The following PCDHA6 variants were observed in gnomAD, a reference collection of about 807,000 sequenced individuals.
PCDHA6 encodes the protein protocadherin alpha 6.
A neutral mutation model predicts 60.3 loss-of-function variants in PCDHA6; 55 were observed. The ratio of observed to expected loss-of-function variants is 0.91; its 90% CI spans 0.73 to 1.14. PCDHA6 has a LOEUF of 1.14. Among genes scored for constraint, PCDHA6 ranks in the 50% most tolerant of loss-of-function variants. The probability of loss-of-function intolerance (pLI) is 0.00; values close to 1 mark genes in which losing one functional copy is unlikely to be tolerated. For synonymous variants in PCDHA6, 652 were observed against 557.9 expected, an observed-to-expected ratio of 1.17 and a Z score of -2.38; for missense variants, 1,327 against 1,256.5, an observed-to-expected ratio of 1.06 and a Z score of -0.85.
chr5:140,952,952 G>C (rs1477546132), intron 1 of PCDHA6, among the ~76,000 whole-genome samples: 1 of 151,924 alleles, frequency 6.6e-6, no homozygotes, highest in Non-Finnish European at 1.5e-5. Context: ...GAGAGAAGGG[G>C]GAAGTGATAC....
intron 3 of PCDHA6, among the ~76,000 whole-genome samples, chr5:140,984,164 A>T (rs1471799520): frequency 6.6e-6 from 1 of 152,208 alleles, no homozygotes; most frequent in African/African-American, 2.4e-5. Flanking sequence ...GAACTTCCCA[A>T]AGAAGCCACG....
At chr5:140,933,262 T>G (rs2088985963) in intron 1 of PCDHA6, among the ~76,000 whole-genome samples, 1 of 152,012 alleles carries the variant, frequency 6.6e-6, no homozygotes, top group South Asian at 2.1e-4. Flanking sequence ...AAAAGGTTAT[T>G]ATATATTCAT....
intron 1 of PCDHA6, among the ~76,000 whole-genome samples, chr5:140,958,824 A>G (rs1008923744): frequency 5.9e-5 from 9 of 152,158 alleles, no homozygotes; most frequent in Admixed American, 5.9e-4. Context: ...TAATTTTTAT[A>G]TCTTAAAGTT....
chr5:140,954,433 T>C (rs1554221415), intron 1 of PCDHA6, among the ~76,000 whole-genome samples: 2 of 151,820 alleles, frequency 1.3e-5, no homozygotes, highest in African/African-American at 4.8e-5. Flanking sequence ...TCTCCATCTG[T>C]TGTTTCTGGA....
At chr5:140,838,905 AC>A (rs1331540825) in intron 1 of PCDHA6, among the ~76,000 whole-genome samples, 1 of 151,998 alleles carries the variant, frequency 6.6e-6, no homozygotes, top group African/African-American at 2.4e-5. Context: ...ACAGAGCAAT[AC>A]CTTGCCTCAA....
At chr5:140,842,962 C>G (rs1554139576) in intron 1 of PCDHA6, 1 of 1,594,950 alleles carries the variant, frequency 6.3e-7, no homozygotes, top group African/African-American at 1.3e-5. Context: ...CTCTGGGCAG[C>G]AACGTGACGC....
rs370307660 is a variant in PCDHA6 at position 140,924,901 on chromosome 5, A to T, written c.2395-54048A>T. On this transcript the variant is annotated intron_variant, in intron 1 of 3. Transcript: ENST00000529310. The stretch of plus-strand genomic sequence containing the variant: ...CAGAGCAAGAACCTGTCTCAAAAAA[A>T]AAAATAAAATAAAATAAAATAAAAT... Among the ~76,000 whole-genome samples, 368 of 80,482 alleles carry T rather than the reference A, an allele frequency of 4.6e-3. 1 individual carries two copies. Among genetic ancestry groups the T allele is most frequent in the East Asian group, 9.1e-3 (17 of 1,868 alleles). The allele number at this position is 80,482 out of a possible 152,430, so 52.8% of individuals were successfully genotyped here. A position where few individuals can be genotyped will look rare whatever the true frequency, so the allele number is the denominator to read the frequency against.
intron 1 of PCDHA6, chr5:140,842,438 A>G (rs1777945140): frequency 6.2e-7 from 1 of 1,613,768 alleles, no homozygotes; most frequent in Non-Finnish European, 8.5e-7. Flanking sequence ...CGCCCTAATT[A>G]GCGTGAACGA....
rs201902460 is a variant in PCDHA6 at position 140,856,564 on chromosome 5, T to G, written c.2394+26079T>G. 3.5e-5 allele frequency: 56 copies of G among 1,597,706 alleles called. 2 individuals are homozygous for G. The highest frequency in any genetic ancestry group is 8.8e-5 in the South Asian group (8 of 90,522). Reference sequence around the variant, plus strand: ...ACGCATTGCTTACTTACAAACTCAGTCCAAATGAGTATTTTGTTCTTGATA... The same window carrying G: ...ACGCATTGCTTACTTACAAACTCAGGCCAAATGAGTATTTTGTTCTTGATA... On this transcript the variant is annotated intron_variant, in intron 1 of 3. Transcript: ENST00000529310.
chr5:140,943,525 T>C (rs891940980), intron 1 of PCDHA6, among the ~76,000 whole-genome samples: 7 of 152,148 alleles, frequency 4.6e-5, no homozygotes, highest in African/African-American at 7.2e-5. Flanking sequence ...GAGTTCAGTA[T>C]GCAAAATGTC....
rs1554262529 is a variant in PCDHA6 at position 141,009,890 on chromosome 5, G to A, written c.2806G>A (p.Glu936Lys). 8.1e-6 allele frequency: 13 copies of A among 1,612,626 alleles called. No homozygotes were observed. Among genetic ancestry groups the A allele is most frequent in the Non-Finnish European group, 1.1e-5 (13 of 1,179,746 alleles). ...AAAGAAGAAGGGTAACAAGACCCAG[G>A]AGAAAAAAGAGAAAGGGAACAGCAC... Reference protein sequence around the residue: ...KKKKKGNKTQEKKEKGNSTTD... With the variant: ...KKKKKGNKTQKKKEKGNSTTD... The change falls in exon 4 of 4, where the codon GAG becomes AAG. Residue 936 changes from glutamate to lysine, a missense_variant. Glu to Lys is a moderately conservative substitution (Grantham distance 56). Coordinates refer to ENST00000529310, the MANE Select transcript of PCDHA6 (RefSeq NM_018909.4).
intron 1 of PCDHA6, chr5:140,928,635 A>T (rs148091714): frequency 1.6e-4 from 258 of 1,614,104 alleles, no homozygotes; most frequent in Non-Finnish European, 2.1e-4. Flanking sequence ...ACTTGGTCAC[A>T]AAAGTGGTAG....
In PCDHA6 at chr5:140,830,268, C is replaced by A. The variant is rs2150183808; in HGVS notation, c.2177C>A (p.Pro726Gln). Residue 726 changes from proline to glutamine, a missense_variant, in exon 1 of 4, where the codon CCA becomes CAA. Coordinates refer to ENST00000529310, the MANE Select transcript of PCDHA6 (RefSeq NM_018909.4). ...TACACAGCGCTGCGGTGCTCGGCGC[C>A]ACCCACCGAGGGCGCGTGCACGGCG... ...LLYTALRCSA[P>Q]PTEGACTADK... 5 of 1,613,634 alleles carry A rather than the reference C, an allele frequency of 3.1e-6. No individual in the cohort carries two copies. Among genetic ancestry groups the A allele is most frequent in the Admixed American group, 1.7e-5 (1 of 60,002 alleles).
intron 1 of PCDHA6, chr5:140,875,979 C>G: frequency 3.7e-6 from 6 of 1,613,984 alleles, no homozygotes; most frequent in Non-Finnish European, 5.1e-6. Flanking sequence ...CTCTTTTGAC[C>G]TATGCGTTAA....
intron 1 of PCDHA6, among the ~76,000 whole-genome samples, chr5:140,947,316 G>A (rs1325852826): frequency 2.6e-5 from 4 of 151,352 alleles, no homozygotes; most frequent in East Asian, 1.9e-4. Context: ...GTAAAAAGTC[G>A]GTTGACCATA....
Position 140,884,627 on chromosome 5 carries a change from G to C in PCDHA6, c.2394+54142G>C, listed in dbSNP as rs140550923. On this transcript the variant is annotated intron_variant, in intron 1 of 3. Transcript: ENST00000529310. ...TTGTCTGGGTTCTGCAGAGGGAACA[G>C]GCCAGAGGGAGGAGGACTCAGAATG... The C allele has an allele frequency of 4.8e-5, 77 of 1,612,780 alleles. No individual in the cohort carries two copies. In the African/African-American group the frequency reaches 8.8e-4, roughly 18 times the overall value.
Position 140,883,198 on chromosome 5 carries a change from C to G in PCDHA6, c.2394+52713C>G, listed in dbSNP as rs145698462. 1.9e-6 allele frequency: 3 copies of G among 1,613,572 alleles called. No individual in the cohort carries two copies. Among genetic ancestry groups the G allele is most frequent in the Admixed American group, 1.7e-5 (1 of 59,932 alleles). On this transcript the variant is annotated intron_variant, in intron 1 of 3. Transcript: ENST00000529310. ...TTAGGACAAAAGGCAAACTAGATTT[C>G]GAAGAAAAGAAATTATATGAAATAT...
chr5:140,966,546 C>T, intron 1 of PCDHA6: 1 of 466,228 alleles, frequency 2.1e-6, no homozygotes, highest in Non-Finnish European at 3.7e-6. Context: ...GACTCGGAGG[C>T]GAGCGGAGGA....
chr5:140,974,396 G>C (rs1413050341), intron 1 of PCDHA6, among the ~76,000 whole-genome samples: 1 of 152,178 alleles, frequency 6.6e-6, no homozygotes, highest in Admixed American at 6.5e-5. Context: ...CATTAGGTAT[G>C]TTCTAAAGTT....
Sources: allele counts gnomAD v4.1 joint callset (sites outside exome capture counted in the v4.1 genomes callset), GRCh38; gene constraint gnomAD v4.1.1; transcripts MANE v1.5; gene names NCBI Gene and HGNC (gene_info 2026-07-23, HGNC 2026-07-21).